Variants in PCDHA2 observed in about 807,000 individuals in gnomAD.
PCDHA2 encodes the protein protocadherin alpha 2.
In PCDHA2, 58 loss-of-function variants were observed where a neutral mutation model predicts 66.0. The observed-to-expected ratio is 0.88, with a 90% CI of 0.71 to 1.09. The LOEUF (loss-of-function observed/expected upper bound fraction) is 1.09, where lower values mean the gene tolerates loss of function less well. PCDHA2 is among the 50% of genes least tolerant of loss of function. The probability of loss-of-function intolerance (pLI) is 0.00; values close to 1 mark genes in which losing one functional copy is unlikely to be tolerated. For missense variants in PCDHA2, 1,267 were observed against 1,242.3 expected (o/e 1.02, Z -0.30); for synonymous variants, 634 against 554.0 (o/e 1.14, Z -2.03).
chr5:140,905,160 A>G (rs1554191931), intron 1 of PCDHA2, among the ~76,000 whole-genome samples: 2 of 152,304 alleles, frequency 1.3e-5, no homozygotes, highest in East Asian at 1.9e-4. Flanking sequence ...TAGAATTTTC[A>G]TGGTTTCAGG....
At chr5:140,884,688 C>T in intron 1 of PCDHA2, 1 of 1,535,868 alleles carries the variant, frequency 6.5e-7, no homozygotes, top group Non-Finnish European at 8.8e-7. Context: ...AAAAAATTGT[C>T]TTAGTAAACA....
At position 140,883,880 on chromosome 5, in the gene PCDHA2, C is replaced by T. The variant is rs782301944; in HGVS notation, c.2388+86528C>T. The stretch of plus-strand genomic sequence containing the variant: ...GCTGTTGCAGTTCCAGGTGAGCGCG[C>T]GCGACTCTGGCGTGCCGCCTCTGGG... On this transcript the variant is annotated intron_variant, in intron 1 of 3. Transcript: ENST00000526136. 20 of 1,613,304 alleles carry T rather than the reference C, an allele frequency of 1.2e-5. No homozygotes were observed. The Middle Eastern group carries it at 6.9e-4, about 56-fold the overall frequency.
At chr5:140,811,658 T>C (rs2126630798) in intron 1 of PCDHA2, 88,405 of 151,980 alleles carry the variant, frequency 0.58, 26,434 homozygotes, top group African/African-American at 0.72. Flanking sequence ...CTCTCCAGCA[T>C]GTGTTGTTTC....
At chr5:140,828,509 GTGC>G in intron 1 of PCDHA2, 1 of 1,614,278 alleles carries the variant, frequency 6.2e-7, no homozygotes. Context: ...GGAACAAAGA[GTGC>G]TGATTTACGA....
In PCDHA2 at chr5:140,850,494, G is replaced by A. The variant is rs140796784; in HGVS notation, c.2388+53142G>A. ...GCTGACGGCCACGGCCACTGTGCTGGTGTCGCTGGTGGAGAGCGGCCAGGC... is the reference window on the plus strand; with the variant it reads ...GCTGACGGCCACGGCCACTGTGCTGATGTCGCTGGTGGAGAGCGGCCAGGC... On this transcript the variant is annotated intron_variant, in intron 1 of 3. Transcript: ENST00000526136. The A allele has an allele frequency of 3.1e-5, 50 of 1,598,140 alleles. 3 individuals carry two copies. In the African/African-American group the frequency reaches 5.6e-4, roughly 18 times the overall value.
chr5:140,838,683 C>T (rs1775834652), intron 1 of PCDHA2, among the ~76,000 whole-genome samples: 2 of 151,884 alleles, frequency 1.3e-5, no homozygotes, highest in Admixed American at 1.3e-4. Flanking sequence ...CACCTTTAAC[C>T]CCAACATTTC....
intron 1 of PCDHA2, chr5:140,850,516 A>G: frequency 6.3e-7 from 1 of 1,598,240 alleles, no homozygotes; most frequent in Non-Finnish European, 8.6e-7. Context: ...GAGAGCGGCC[A>G]GGCGCCAAAG....
At chr5:140,884,330 G>T in intron 1 of PCDHA2, 2 of 1,613,876 alleles carry the variant, frequency 1.2e-6, no homozygotes, top group Non-Finnish European at 1.7e-6. Context: ...AGGCGCTGTG[G>T]GTCCAGAAGC....
intron 1 of PCDHA2, chr5:140,830,289 C>T (rs1554132712): frequency 1.2e-6 from 2 of 1,613,858 alleles, no homozygotes; most frequent in Non-Finnish European, 1.7e-6. Flanking sequence ...GGCGCGTGCA[C>T]GGCGGACAAG....
At chr5:140,856,781 G>C in intron 1 of PCDHA2, 1 of 1,596,356 alleles carries the variant, frequency 6.3e-7, no homozygotes, top group South Asian at 1.1e-5. Context: ...TGACAGACCG[G>C]TTTATGAAGT....
intron 1 of PCDHA2, among the ~76,000 whole-genome samples, chr5:140,820,471 G>T (rs1189963482): frequency 6.6e-6 from 1 of 151,866 alleles, no homozygotes; most frequent in Non-Finnish European, 1.5e-5. Flanking sequence ...ACAGGTAAGG[G>T]ATATTTTGTA....
At chr5:140,877,376 G>C in intron 1 of PCDHA2, 1 of 1,614,014 alleles carries the variant, frequency 6.2e-7, no homozygotes, top group South Asian at 1.1e-5. Flanking sequence ...AGCACGACAC[G>C]CATCCTGGAT....
chr5:140,859,470 A>G (rs184833883), intron 1 of PCDHA2: 1 of 211,162 alleles, frequency 4.7e-6, no homozygotes, highest in South Asian at 1.3e-4. Context: ...TACACTATCA[A>G]TTGTGTTTTC....
chr5:140,842,888 C>G, intron 1 of PCDHA2: 1 of 1,593,820 alleles, frequency 6.3e-7, no homozygotes, highest in South Asian at 1.1e-5. Flanking sequence ...GCTGCAGCCG[C>G]TGGACCACGA....
chr5:140,830,142 T>A, intron 1 of PCDHA2: 7 of 1,613,256 alleles, frequency 4.3e-6, no homozygotes, highest in Non-Finnish European at 5.9e-6. Context: ...CGGGCGTCGG[T>A]GGGCGCCGCG....
At position 140,882,079 on chromosome 5, in the gene PCDHA2, G is replaced by C. The variant is rs2058940272; in HGVS notation, c.2388+84727G>C. 3.1e-6 allele frequency: 3 copies of C among 952,854 alleles called. No homozygotes were observed. In the East Asian group the frequency reaches 7.8e-5, roughly 25 times the overall value. The allele number at this position is 952,854 out of a possible 1,614,324, so 59.0% of individuals were successfully genotyped here. A position where few individuals can be genotyped will look rare whatever the true frequency, so the allele number is the denominator to read the frequency against. On this transcript the variant is annotated intron_variant, in intron 1 of 3. Transcript: ENST00000526136. ...CTTACACGTTCATGCGCATGGTGTCGCTCTTCACTGAGAACGTTTCCGCGA... is the reference window on the plus strand; with the variant it reads ...CTTACACGTTCATGCGCATGGTGTCCCTCTTCACTGAGAACGTTTCCGCGA...
chr5:140,954,360 A>G (rs1203050549), intron 1 of PCDHA2, among the ~76,000 whole-genome samples: 2 of 152,212 alleles, frequency 1.3e-5, no homozygotes, highest in African/African-American at 4.8e-5. Flanking sequence ...GAATCGCCAC[A>G]CAGTCTCCCA....
intron 1 of PCDHA2, chr5:140,810,778 G>A (rs1236726789): frequency 6.6e-6 from 1 of 151,406 alleles, no homozygotes; most frequent in African/African-American, 2.4e-5. Context: ...TTTTTTAGTA[G>A]TTTTCAACCT....
At chr5:140,823,917 G>A in intron 1 of PCDHA2, 1 of 1,614,028 alleles carries the variant, frequency 6.2e-7, no homozygotes, top group Non-Finnish European at 8.5e-7. Flanking sequence ...TGCTCACGCT[G>A]CTGCTGTACA....
Sources: gnomAD v4.1 joint callset for allele counts (sites outside exome capture counted in the v4.1 genomes callset) on GRCh38, gnomAD v4.1.1 for gene constraint, MANE v1.5 for transcripts, NCBI Gene and HGNC (gene_info 2026-07-23, HGNC 2026-07-21) for gene names.